Variants in LPAR6 observed in about 807,000 individuals in gnomAD.
LPAR6 encodes the protein G-protein coupled purinergic receptor P2Y5.
A neutral mutation model predicts 22.0 loss-of-function variants in LPAR6; 17 were observed. That is an observed-to-expected ratio of 0.77 (90% CI 0.53 to 1.16). LPAR6 has a LOEUF of 1.16. Among genes scored for constraint, LPAR6 ranks in the 50% most tolerant of loss-of-function variants. The probability of loss-of-function intolerance (pLI) is 0.00; values close to 1 mark genes in which losing one functional copy is unlikely to be tolerated. For synonymous variants in LPAR6, 136 were observed against 139.8 expected (o/e 0.97, Z 0.19); for missense variants, 384 against 406.9 (o/e 0.94, Z 0.48).
intron 2 of LPAR6, among the ~76,000 whole-genome samples, chr13:48,419,760 C>T (rs1003722140): frequency 6.6e-5 from 10 of 152,234 alleles, no homozygotes; most frequent in African/African-American, 1.9e-4. Flanking sequence ...CTGTAAACAT[C>T]TCTATGCAAA....
upstream of LPAR6, among the ~76,000 whole-genome samples, chr13:48,428,620 A>C (rs1310764483): frequency 2.0e-5 from 3 of 152,254 alleles, no homozygotes; most frequent in African/African-American, 7.2e-5. Context: ...TAAAACACTA[A>C]ATTCTAACAT....
chr13:48,410,058 CTTAA>C (rs757945891), downstream of LPAR6, among the ~76,000 whole-genome samples: 16 of 151,960 alleles, frequency 1.1e-4, no homozygotes, highest in Non-Finnish European at 1.8e-4. Context: ...GAACTGTGTC[CTTAA>C]TTAATCATTT....
intron 1 of LPAR6, among the ~76,000 whole-genome samples, chr13:48,391,767 C>T (rs1201522710): frequency 6.6e-6 from 1 of 151,454 alleles, no homozygotes; most frequent in East Asian, 2.0e-4. Context: ...TACAGGCACA[C>T]GCCACCATGC....
intron 2 of LPAR6, among the ~76,000 whole-genome samples, chr13:48,421,698 G>T (rs931227465): frequency 6.6e-6 from 1 of 152,182 alleles, no homozygotes; most frequent in Admixed American, 6.5e-5. Context: ...CCATCAAAAA[G>T]TGGGTGAAGG....
At chr13:48,415,494 G>T (rs1162540413), upstream of LPAR6, among the ~76,000 whole-genome samples, 2 of 151,978 alleles carry the variant, frequency 1.3e-5, no homozygotes, top group Non-Finnish European at 2.9e-5. Flanking sequence ...GGCCAGGCTG[G>T]TCTTGAACTC....
intron 1 of LPAR6, among the ~76,000 whole-genome samples, chr13:48,398,884 C>T (rs1948668309): frequency 6.6e-6 from 1 of 152,006 alleles, no homozygotes; most frequent in Non-Finnish European, 1.5e-5. Flanking sequence ...TGCCTAGGAG[C>T]TAATAAGTAA....
chr13:48,402,379 C>CTT (rs545934425), intron 1 of LPAR6, among the ~76,000 whole-genome samples: 4 of 125,716 alleles, frequency 3.2e-5, no homozygotes, highest in Admixed American at 8.6e-5. Flanking sequence ...TGTAGAAAAC[C>CTT]TTTTTTTTTT....
At position 48,397,491 on chromosome 13, in the gene LPAR6, CAG is replaced by C. The variant is rs1593466530; in HGVS notation, n.115-7681_115-7680del. Among the ~76,000 whole-genome samples, 9 of 152,108 alleles carry C rather than the reference CAG, an allele frequency of 5.9e-5. No homozygotes were observed. The East Asian group carries it at 1.5e-3, about 26-fold the overall frequency. On this transcript the variant is annotated intron_variant and non_coding_transcript_variant, in intron 1 of 1. Transcript: ENST00000462781. ...GGGAACATCACACACCGGGGCCTGT[CAG>C]GGGGTGCGGGTCTAAGGGAGGGATA...
chr13:48,401,215 CTT>C (rs1422054148), intron 1 of LPAR6: 1 of 152,108 alleles, frequency 6.6e-6, no homozygotes, highest in African/African-American at 2.4e-5. Context: ...CACATATACT[CTT>C]ATTCAGAGAA....
chr13:48,403,793 G>C (rs994384633), intron 1 of LPAR6, among the ~76,000 whole-genome samples: 1 of 152,074 alleles, frequency 6.6e-6, no homozygotes, highest in Admixed American at 6.6e-5. Flanking sequence ...CACTTTGTGA[G>C]CAACATTTTA....
chr13:48,396,201 C>G (rs1447005564), intron 1 of LPAR6, among the ~76,000 whole-genome samples: 1 of 152,016 alleles, frequency 6.6e-6, no homozygotes, highest in Non-Finnish European at 1.5e-5. Context: ...CAATCTTAAG[C>G]AAAAAGAACA....
intron 1 of LPAR6, among the ~76,000 whole-genome samples, chr13:48,395,480 G>A (rs1472785011): frequency 2.0e-5 from 3 of 151,944 alleles, no homozygotes; most frequent in African/African-American, 7.2e-5. Context: ...TAAGAACTTT[G>A]AAAAAAGGTT....
chr13:48,420,667 C>T (rs1233216404), intron 2 of LPAR6, among the ~76,000 whole-genome samples: 12 of 152,134 alleles, frequency 7.9e-5, no homozygotes, highest in Non-Finnish European at 7.4e-5. Context: ...TCTCCTTAAG[C>T]TGATAAGCAA....
chr13:48,429,479 T>G (rs916357876), upstream of LPAR6: 3 of 152,176 alleles, frequency 2.0e-5, no homozygotes, highest in Non-Finnish European at 2.9e-5. Flanking sequence ...AGAAGGATTG[T>G]GTCTCTAGGC....
intron 1 of LPAR6, among the ~76,000 whole-genome samples, chr13:48,401,011 GCAT>G (rs976210106): frequency 6.6e-6 from 1 of 152,060 alleles, no homozygotes; most frequent in African/African-American, 2.4e-5. Flanking sequence ...TGGGACTCCA[GCAT>G]TGTTAAGTAT....
chr13:48,411,991 T>C lies in LPAR6; in HGVS notation c.433A>G (p.Ile145Val), dbSNP rs1231948194. The C allele has an allele frequency of 6.2e-7, 1 of 1,606,970 alleles. No individual in the cohort carries two copies. The highest frequency in any genetic ancestry group is 8.5e-7 in the Non-Finnish European group (1 of 1,176,292). The change falls in exon 1 of 1, where the codon ATC (isoleucine) becomes GTC (valine). Residue 145 changes from isoleucine to valine, a missense_variant. Transcript: ENST00000620633. ...IVCTGVWLTVIGGSAPAVFVQ... is the reference protein window; with the variant it reads ...IVCTGVWLTVVGGSAPAVFVQ... The stretch of plus-strand genomic sequence containing the variant: ...AAAACGGCGGGTGCACTTCCTCCGA[T>C]CACAGTTAACCACACGCCAGTGCAA...
At chr13:48,443,452 A>G (rs1024215393) in intron 1 of LPAR6, among the ~76,000 whole-genome samples, 44 of 152,320 alleles carry the variant, frequency 2.9e-4, no homozygotes, top group Middle Eastern at 3.4e-3. Flanking sequence ...TTTCTAATGT[A>G]TTAAGTCACA....
chr13:48,391,918 C>G (rs1484206835), intron 1 of LPAR6, among the ~76,000 whole-genome samples: 1 of 152,066 alleles, frequency 6.6e-6, no homozygotes, highest in African/African-American at 2.4e-5. Flanking sequence ...CCGCACCCAG[C>G]CAACAAAAAA....
chr13:48,400,985 G>A (rs1948686893), intron 1 of LPAR6, among the ~76,000 whole-genome samples: 1 of 152,108 alleles, frequency 6.6e-6, no homozygotes, highest in Non-Finnish European at 1.5e-5. Flanking sequence ...AAAAAGTTCA[G>A]GGGGAAAAGG....
Sources: allele counts gnomAD v4.1 joint callset (sites outside exome capture counted in the v4.1 genomes callset), GRCh38; gene constraint gnomAD v4.1.1; transcripts MANE v1.5; gene names NCBI Gene and HGNC (gene_info 2026-07-23, HGNC 2026-07-21).